Variants in CHUK observed in about 807,000 individuals in gnomAD.
The protein encoded by CHUK is inhibitor of nuclear factor kappa-B kinase subunit alpha.
A neutral mutation model predicts 104.8 loss-of-function variants in CHUK; 35 were observed. The observed-to-expected ratio is 0.33, with a 90% confidence interval of 0.26 to 0.44. CHUK has a LOEUF of 0.44. Ranked by LOEUF, CHUK falls within the 20% of genes least tolerant of loss-of-function variation. The pLI, the probability that CHUK is intolerant of heterozygous loss-of-function variation, is 1.00. For synonymous variants in CHUK, 276 were observed against 291.9 expected (o/e 0.95, Z 0.56); for missense variants, 663 against 902.7 (o/e 0.73, Z 3.40).
chr10:100,192,949 A>G (rs923790650), intron 19 of CHUK: 2 of 284,426 alleles, frequency 7.0e-6, no homozygotes, highest in African/African-American at 4.4e-5. Flanking sequence ...GGTTTGAGTA[A>G]AAGAAAGTAA....
intron 5 of CHUK, among the ~76,000 whole-genome samples, chr10:100,220,364 A>G (rs1000369852): frequency 6.7e-6 from 1 of 150,112 alleles, no homozygotes; most frequent in African/African-American, 2.5e-5. Flanking sequence ...GAAAAAAAAG[A>G]AAAAGAAAAA....
chr10:100,192,773 T>C, intron 19 of CHUK: 1 of 977,522 alleles, frequency 1.0e-6, no homozygotes, highest in Non-Finnish European at 1.2e-6. Context: ...GCTTGGAATC[T>C]GAGTTCTTGC....
chr10:100,189,322 GTGA>G lies in CHUK; in HGVS notation c.*273_*275del. 4 of 416,740 alleles carry G rather than the reference GTGA, an allele frequency of 9.6e-6. 1 individual carries two copies. In the Middle Eastern group the frequency reaches 2.0e-3, roughly 209 times the overall value. The allele number at this position is 416,740 out of a possible 1,614,324, so 25.8% of individuals were successfully genotyped here. ...TACCAAGACTGAAGGCAAATGTGTC[GTGA>G]TGATGCTTCTAAATAGCTGTGGTAT... On this transcript the variant is annotated 3_prime_UTR_variant, in exon 21 of 21. Transcript: ENST00000370397.
chr10:100,225,414 G>A (rs187091191), intron 2 of CHUK, among the ~76,000 whole-genome samples: 9 of 152,188 alleles, frequency 5.9e-5, no homozygotes, highest in Admixed American at 1.3e-4. Flanking sequence ...TCCATGCTGT[G>A]GCATGTGTCA....
Position 100,219,308 on chromosome 10 carries a change from T to C in CHUK, c.526A>G (p.Ser176Gly). 1 of 1,605,436 alleles carries C rather than the reference T, an allele frequency of 6.2e-7. No individual in the cohort carries two copies. The highest frequency in any genetic ancestry group is 1.1e-5 in the South Asian group (1 of 90,888). Residue 176 changes from serine to glycine, a missense_variant, in exon 6 of 21, where the codon AGT becomes GGT. Coordinates refer to ENST00000370397, the MANE Select transcript of CHUK (RefSeq NM_001278.5). The stretch of plus-strand genomic sequence containing the variant: ...GTTCCCACAAAAGATGTACACAGAC[T>C]TCCTTGATCAACATCTTTGGCATAT... ...LGYAKDVDQG[S>G]LCTSFVGTLQ...
chr10:100,203,507 C>T (rs889477483), intron 13 of CHUK, among the ~76,000 whole-genome samples: 3 of 151,824 alleles, frequency 2.0e-5, no homozygotes, highest in African/African-American at 7.3e-5. Flanking sequence ...ATTCACCCAA[C>T]TGGACACTAT....
intron 18 of CHUK, 77 bp from the exon 19 acceptor site, chr10:100,193,508 C>T (rs899287207): frequency 3.2e-6 from 5 of 1,544,020 alleles, no homozygotes; most frequent in Non-Finnish European, 3.6e-6. Flanking sequence ...TATCATATTC[C>T]TAAGACTTAC....
intron 17 of CHUK, 130 bp from the exon 18 acceptor site, chr10:100,194,261 T>C (rs1467388050): frequency 4.4e-6 from 5 of 1,147,478 alleles, no homozygotes; most frequent in South Asian, 1.3e-5. Flanking sequence ...AAGTAATGCA[T>C]ACAAAAGGAC....
Position 100,205,100 on chromosome 10 carries a change from A to G in CHUK, c.1331T>C (p.Leu444Pro). The part of the protein sequence containing the change: ...VSGLKEDYSR[L>P]FQGQRAAMLS... ...CATTGCTGCCCTTTGTCCCTGAAAG[A>G]GCCTGCTATAGTCTTCTTTTAGTCC... Residue 444 changes from leucine (L) to proline (P), a missense_variant, in exon 12 of 21, where the codon CTC (leucine) becomes CCC (proline). By Grantham distance (98) the Leu-to-Pro change is moderately conservative. This residue lies in a region of CHUK where 311 missense variants were observed against 393.4 expected (regional missense o/e 0.79). Transcript: ENST00000370397. The G allele has an allele frequency of 6.2e-7, 1 of 1,614,160 alleles. No individual in the cohort carries two copies.
rs1845763387 is a variant in CHUK at position 100,212,983 on chromosome 10, AGAGT to A, written c.934-3198_934-3195del. ...ATCGCGCCACTGCACTCCAGGCGAC[AGAGT>A]GAGACTTTGTCTCAAAAAAAAAAAA... is the stretch of plus-strand genomic sequence containing the variant. On this transcript the variant is annotated intron_variant, in intron 9 of 20. Transcript: ENST00000370397. Among the ~76,000 whole-genome samples, 15 of 148,008 alleles carry A rather than the reference AGAGT, an allele frequency of 1.0e-4. No individual in the cohort carries two copies. The South Asian group carries it at 3.0e-3, about 30-fold the overall frequency.
chr10:100,224,700 G>A (rs968055333), intron 2 of CHUK, among the ~76,000 whole-genome samples: 6 of 152,082 alleles, frequency 3.9e-5, no homozygotes, highest in Non-Finnish European at 7.4e-5. Context: ...GCCTCCCAAA[G>A]TGCTGGGATT....
Position 100,209,685 on chromosome 10 carries a change from T to G in CHUK, c.1038A>C (p.Gly346=). The G allele has an allele frequency of 1.9e-6, 3 of 1,598,702 alleles. No individual in the cohort carries two copies. Among genetic ancestry groups the G allele is most frequent in the Non-Finnish European group, 2.6e-6 (3 of 1,165,966 alleles). The part of the protein sequence containing the change: ...SLQSRIERET[G]INTGSQELLS... ...GAAGTTCTTGAGAACCAGTATTTAT[T>G]CCAGTTTCACGCTCAATACGAGACT... Residue 346 remains glycine, a synonymous_variant, in exon 10 of 21, where the codon GGA becomes GGC. Coordinates refer to ENST00000370397, the MANE Select transcript of CHUK (RefSeq NM_001278.5).
chr10:100,215,214 C>CAAAAAAAAAAAAAAAAAAAAAAAAA (rs913817319), intron 9 of CHUK, among the ~76,000 whole-genome samples: 1 of 51,586 alleles, frequency 1.9e-5, no homozygotes, highest in African/African-American at 5.0e-5. Context: ...GGCTCCATAT[C>CAAAAAAAAAAAAAAAAAAAAAAAAA]AAAAAAAAAA....
At chr10:100,199,469 G>C (rs1364526517) in intron 16 of CHUK, among the ~76,000 whole-genome samples, 3 of 152,182 alleles carry the variant, frequency 2.0e-5, no homozygotes, top group East Asian at 3.8e-4. Flanking sequence ...TGGGATTACA[G>C]GCACATGCCA....
intron 1 of CHUK, among the ~76,000 whole-genome samples, chr10:100,229,000 C>CACAA (rs1279208620): frequency 1.4e-5 from 2 of 144,116 alleles, no homozygotes; most frequent in African/African-American, 2.7e-5. Flanking sequence ...CGCGCACACA[C>CACAA]ACACACACAC....
In CHUK at chr10:100,224,146, T is replaced by C. The variant is rs557193830; in HGVS notation, c.201-1166A>G. On this transcript the variant is annotated intron_variant, in intron 2 of 20. Coordinates refer to ENST00000370397, the MANE Select transcript of CHUK (RefSeq NM_001278.5). ...ACTCTTTCTGAGGAAAAGATCTTTC[T>C]GGGGAAAGCTAGCTTCCATGTCATG... Among the ~76,000 whole-genome samples the C allele has an allele frequency of 5.1e-4, 77 of 152,310 alleles. No individual in the cohort carries two copies. In the South Asian group the frequency reaches 0.014, roughly 28 times the overall value.
chr10:100,217,074 C>T (rs1375822458), intron 9 of CHUK, among the ~76,000 whole-genome samples: 1 of 102,136 alleles, frequency 9.8e-6, no homozygotes, highest in African/African-American at 9.0e-5. Flanking sequence ...AAATGGATAT[C>T]CAGGCAGAAG....
intron 5 of CHUK, 33 bp from the exon 6 acceptor site, chr10:100,219,392 T>G: frequency 8.5e-7 from 1 of 1,182,916 alleles, no homozygotes; most frequent in Non-Finnish European, 1.3e-6. Context: ...AAGTATTAAA[T>G]GGTAGAGAAA....
At chr10:100,198,366 T>G (rs971081244) in intron 16 of CHUK, among the ~76,000 whole-genome samples, 13 of 152,218 alleles carry the variant, frequency 8.5e-5, no homozygotes, top group African/African-American at 2.7e-4. Context: ...GCGTTGAGAT[T>G]TAAATAAAAT....
Sources: allele counts gnomAD v4.1 joint callset (sites outside exome capture counted in the v4.1 genomes callset), GRCh38; gene constraint gnomAD v4.1.1; regional missense constraint gnomAD v4.1.1; transcripts MANE v1.5; gene names NCBI Gene and HGNC (gene_info 2026-07-23, HGNC 2026-07-21).